Variants in KDELR1 observed in about 807,000 individuals in gnomAD.
KDELR1 encodes the protein ER lumen protein-retaining receptor 1.
A neutral mutation model predicts 25.5 loss-of-function variants in KDELR1; 16 were observed. That is an observed-to-expected ratio of 0.63 (90% CI 0.43 to 0.95). KDELR1 has a LOEUF of 0.95. Among genes scored for constraint, KDELR1 ranks in the 40% least tolerant of loss-of-function variants. KDELR1 has a pLI of 0.00. For missense variants in KDELR1, 159 were observed against 265.2 expected, an observed-to-expected ratio of 0.60 and a Z score of 2.78; for synonymous variants, 121 against 115.0, an observed-to-expected ratio of 1.05 and a Z score of -0.33.
chr19:48,391,925 C>A (rs984105917), upstream of KDELR1, among the ~76,000 whole-genome samples: 13 of 152,116 alleles, frequency 8.5e-5, no homozygotes, highest in Admixed American at 3.3e-4. Context: ...GAAAGATACC[C>A]CACCTACTTC....
upstream of KDELR1, among the ~76,000 whole-genome samples, chr19:48,395,177 C>T (rs1343623705): frequency 6.6e-6 from 1 of 151,890 alleles, no homozygotes; most frequent in Admixed American, 6.6e-5. Context: ...ATTTCTCTGA[C>T]ACTTGGCTCC....
rs535623191 is a variant in KDELR1 at position 48,385,247 on chromosome 19, C to T, written c.352-765G>A. ...TTCCCACAGCAGGAAAAGCTCTTCC[C>T]CTACACTGTCACACATCTGCCTCCT... On this transcript the variant is annotated intron_variant, in intron 3 of 4. Transcript: ENST00000330720. Among the ~76,000 whole-genome samples, 46 of 152,302 alleles carry T rather than the reference C, an allele frequency of 3.0e-4. No homozygotes were observed. In the Middle Eastern group the frequency reaches 0.02, roughly 68 times the overall value.
At chr19:48,388,720 A>T (rs951173899) in intron 3 of KDELR1, among the ~76,000 whole-genome samples, 3 of 150,664 alleles carry the variant, frequency 2.0e-5, no homozygotes, top group Admixed American at 6.7e-5. Context: ...GAAGAAAAGG[A>T]AGAAAAGGAA....
chr19:48,393,805 G>A (rs1970594083), upstream of KDELR1, among the ~76,000 whole-genome samples: 1 of 152,122 alleles, frequency 6.6e-6, no homozygotes, highest in Non-Finnish European at 1.5e-5. The surrounding 1 kb of genome is among the most constrained non-coding windows in gnomAD (Gnocchi z 5.6). Context: ...GTGCCTGCTG[G>A]GGGTGTTGCC....
chr19:48,396,166 T>G (rs1970637389), upstream of KDELR1, among the ~76,000 whole-genome samples: 1 of 148,346 alleles, frequency 6.7e-6, no homozygotes, highest in Admixed American at 6.7e-5. Flanking sequence ...CATGAGGAGG[T>G]AGAGATGGAG....
chr19:48,390,969 C>A, intron 1 of KDELR1: 1 of 499,796 alleles, frequency 2.0e-6, no homozygotes, highest in Non-Finnish European at 3.6e-6. Context: ...CTCACAGCCA[C>A]CTCCCCGCCT....
At chr19:48,391,138 A>G in intron 1 of KDELR1, 130 bp downstream of exon 1, 1 of 780,748 alleles carries the variant, frequency 1.3e-6, no homozygotes, top group Non-Finnish European at 2.2e-6. Flanking sequence ...AACCTAGAAG[A>G]GAGATCCCCA....
At position 48,383,359 on chromosome 19, in the gene KDELR1, C is replaced by A. The variant is rs1334167253; in HGVS notation, c.605-32G>T. ...GGAGAGAAAACAGGGAGGGCATTAC[C>A]GCTGGGGCCCCTGCAGGGAGGGGAC... On this transcript the variant is annotated intron_variant, in intron 4 of 4. Coordinates refer to ENST00000330720, the MANE Select transcript of KDELR1 (RefSeq NM_006801.3). 2.6e-6 allele frequency: 4 copies of A among 1,550,548 alleles called. No homozygotes were observed. In the South Asian group the frequency reaches 4.8e-5, roughly 18 times the overall value.
At chr19:48,393,775 G>A (rs1055825493), upstream of KDELR1, among the ~76,000 whole-genome samples, 1 of 152,120 alleles carries the variant, frequency 6.6e-6, no homozygotes, top group Admixed American at 6.5e-5. This position sits in a 1 kb window ranked among gnomAD's most constrained non-coding sequence, Gnocchi z 5.6. Flanking sequence ...GCAGCCTCCC[G>A]CAGCCTCCCT....
chr19:48,394,571 G>A (rs1429683410), upstream of KDELR1, among the ~76,000 whole-genome samples: 1 of 150,856 alleles, frequency 6.6e-6, no homozygotes, highest in African/African-American at 2.4e-5. The surrounding 1 kb of genome is among the most constrained non-coding windows in gnomAD (Gnocchi z 5.1). Context: ...GGGGCACCCC[G>A]GGTGGGCGGA....
rs575099358 is a variant in KDELR1, at chr19:48,390,563, C to CAGAGAGAGAGAGAGAGAGAGAG, written c.92-40_92-39insCTCTCTCTCTCTCTCTCTCTCT. ...ACAGAGAAAGAGAGAGAGAGAGAGA[C>CAGAGAGAGAGAGAGAGAGAGAG]AGAGAGAGAGAGAGAGACAGACAGA... On this transcript the variant is annotated intron_variant, in intron 1 of 4. Coordinates refer to ENST00000330720, the MANE Select transcript of KDELR1 (RefSeq NM_006801.3). 9 of 980,178 alleles carry CAGAGAGAGAGAGAGAGAGAGAG rather than the reference C, an allele frequency of 9.2e-6. No homozygotes were observed. The African/African-American group carries it at 1.2e-4, about 13-fold the overall frequency. The allele number at this position is 980,178 out of a possible 1,614,324, so 60.7% of individuals were successfully genotyped here. A position where few individuals can be genotyped will look rare whatever the true frequency, so the allele number is the denominator to read the frequency against.
At chr19:48,390,350 G>T in intron 2 of KDELR1, 74 bp downstream of exon 2, 1 of 1,128,624 alleles carries the variant, frequency 8.9e-7, no homozygotes, top group Non-Finnish European at 1.3e-6. Flanking sequence ...TCCTCCCTCA[G>T]ACCTAGGAGT....
chr19:48,390,996 C>T (rs1600959869), intron 1 of KDELR1: 1 of 531,490 alleles, frequency 1.9e-6, no homozygotes, highest in Non-Finnish European at 3.4e-6. Context: ...GTTCCCTGTT[C>T]CCGGTCCATG....
rs1021462664 is a variant in KDELR1 at position 48,391,459 on chromosome 19, G to A, written c.-101C>T. On this transcript the variant is annotated 5_prime_UTR_variant, in exon 1 of 5. Transcript: ENST00000330720. ...GAACGGGTAGCTGGGCTGGGGGGAC[G>A]GAAGAGGGACCCTAGGTGCGCTCCG... 4.9e-5 allele frequency: 44 copies of A among 905,118 alleles called. No individual in the cohort carries two copies. Among genetic ancestry groups the A allele is most frequent in the Non-Finnish European group, 7.0e-5 (40 of 570,812 alleles). The allele number at this position is 905,118 out of a possible 1,614,324, so 56.1% of individuals were successfully genotyped here.
chr19:48,387,213 A>C (rs1433196466), intron 3 of KDELR1, among the ~76,000 whole-genome samples: 1 of 152,106 alleles, frequency 6.6e-6, no homozygotes. Flanking sequence ...AGCTAAGTCA[A>C]GGGCTTGGAT....
At chr19:48,388,773 G>GAAGAAAGA (rs754041641) in intron 3 of KDELR1, among the ~76,000 whole-genome samples, 32 of 145,554 alleles carry the variant, frequency 2.2e-4, no homozygotes, top group African/African-American at 8.0e-4. Context: ...GGAAAGAAAG[G>GAAGAAAGA]AAGAAAGAAA....
upstream of KDELR1, chr19:48,391,665 T>C: frequency 2.4e-6 from 1 of 415,936 alleles, no homozygotes; most frequent in South Asian, 2.2e-5. Context: ...GTGGCGGCGC[T>C]AAACGCACCC....
upstream of KDELR1, among the ~76,000 whole-genome samples, chr19:48,396,515 G>A (rs900214706): frequency 6.6e-6 from 1 of 151,790 alleles, no homozygotes; most frequent in Non-Finnish European, 1.5e-5. Flanking sequence ...TGTTAACCCC[G>A]CGGGGGCCAG....
rs968325916 is a variant in KDELR1, at chr19:48,383,049, A to T, written c.*244T>A. 1 of 571,454 alleles carries T rather than the reference A, an allele frequency of 1.7e-6. No homozygotes were observed. Among genetic ancestry groups the T allele is most frequent in the Non-Finnish European group, 3.1e-6 (1 of 322,356 alleles). 35.4% of individuals were successfully genotyped at this position (571,454 alleles called of 1,614,324 possible). ...AAGAAAAACGAGTCATCAGAATCAA[A>T]AACTAAAGAGTGGAAAGATTTTTTT... On this transcript the variant is annotated 3_prime_UTR_variant, in exon 5 of 5. Coordinates refer to ENST00000330720, the MANE Select transcript of KDELR1 (RefSeq NM_006801.3).
Sources: allele counts gnomAD v4.1 joint callset (sites outside exome capture counted in the v4.1 genomes callset), GRCh38; gene constraint gnomAD v4.1.1; non-coding constraint Gnocchi (gnomAD v3.1); transcripts MANE v1.5; gene names NCBI Gene and HGNC (gene_info 2026-07-23, HGNC 2026-07-21).